The following SCN2A variants were observed in gnomAD, a reference collection of about 807,000 sequenced individuals.
SCN2A encodes the protein sodium channel protein type 2 subunit alpha.
SCN2A carries 20 observed loss-of-function variants against 188.7 expected under a neutral mutation model. The ratio of observed to expected loss-of-function variants is 0.11; its 90% CI spans 0.07 to 0.15. SCN2A has a LOEUF of 0.15. Ranked by LOEUF, SCN2A falls within the 10% of genes least tolerant of loss-of-function variation. SCN2A has a pLI of 1.00. For synonymous variants in SCN2A, 804 were observed against 833.1 expected (o/e 0.97, Z 0.60); for missense variants, 1,278 against 2,445.0 (o/e 0.52, Z 10.07).
chr2:165,332,655 C>T (rs1191677676), intron 14 of SCN2A, among the ~76,000 whole-genome samples: 1 of 151,738 alleles, frequency 6.6e-6, no homozygotes, highest in African/African-American at 2.4e-5. Flanking sequence ...TTACCTAGTT[C>T]AAATTTAGAG....
At chr2:165,368,593 A>G (rs1700855638) in intron 19 of SCN2A, among the ~76,000 whole-genome samples, 2 of 152,228 alleles carry the variant, frequency 1.3e-5, no homozygotes, top group African/African-American at 2.4e-5. Context: ...AATGATAAGA[A>G]GTAGACTCAC....
chr2:165,310,465 A>G lies in SCN2A; in HGVS notation c.840A>G (p.Gln280=), dbSNP rs377200041. 1.1e-4 allele frequency: 183 copies of G among 1,613,536 alleles called. No individual in the cohort carries two copies. The highest frequency in any genetic ancestry group is 1.6e-4 in the Middle Eastern group (1 of 6,084). The part of the protein sequence containing the change: ...FMGNLRNKCL[Q]WPPDNSSFEI... The stretch of plus-strand genomic sequence containing the variant: ...GCAACCTACGAAATAAATGTTTGCA[A>G]TGGCCTCCAGATAATTCTTCCTTTG... Residue 280 remains glutamine (Q), a synonymous_variant, in exon 7 of 27, where the codon CAA becomes CAG. Transcript: ENST00000375437.
intron 14 of SCN2A, 152 bp from the exon 15 acceptor site, chr2:165,342,144 C>T (rs985136905): frequency 2.6e-5 from 17 of 643,718 alleles, no homozygotes; most frequent in Non-Finnish European, 3.8e-5. Context: ...GATTTGAATG[C>T]AAAGCATTTG....
intron 1 of SCN2A, among the ~76,000 whole-genome samples, chr2:165,288,732 ATGTGTG>A (rs71977859): frequency 5.6e-5 from 6 of 107,580 alleles, no homozygotes; most frequent in Non-Finnish European, 1.3e-4. Context: ...ATACATATAC[ATGTGTG>A]TGTGTGTGTG....
chr2:165,389,169 A>G lies in SCN2A; in HGVS notation c.5363A>G (p.Glu1788Gly). The change falls in exon 27 of 27, where the codon GAG becomes GGG. Residue 1788 changes from glutamate (E) to glycine (G), a missense_variant. Glu to Gly is a moderately conservative substitution (Grantham distance 98, BLOSUM62 -2). Transcript: ENST00000375437. The surrounding 1 kb of genome is among the most constrained non-coding windows in gnomAD (Gnocchi z 4.2). ...AGTGTTGCTACTGAAGAAAGTGCAG[A>G]GCCTCTGAGTGAGGATGACTTTGAG... ...NFSVATEESA[E>G]PLSEDDFEMF... 1.2e-6 allele frequency: 2 copies of G among 1,614,076 alleles called. No homozygotes were observed. The highest frequency in any genetic ancestry group is 1.7e-6 in the Non-Finnish European group (2 of 1,180,002).
chr2:165,293,305 C>T (rs956671345), intron 1 of SCN2A, among the ~76,000 whole-genome samples: 1 of 152,126 alleles, frequency 6.6e-6, no homozygotes, highest in Non-Finnish European at 1.5e-5. Flanking sequence ...TCCCTATTTA[C>T]GTCATGCTTT....
chr2:165,289,284 A>G (rs1265588028), intron 1 of SCN2A, among the ~76,000 whole-genome samples: 1 of 152,044 alleles, frequency 6.6e-6, no homozygotes, highest in East Asian at 1.9e-4. Context: ...CATCATGTGT[A>G]ATAACATGAT....
chr2:165,390,031 G>A lies in SCN2A; in HGVS notation c.*207G>A. 1.3e-6 allele frequency: 1 copy of A among 758,122 alleles called. No individual in the cohort carries two copies. The highest frequency in any genetic ancestry group is 2.0e-6 in the Non-Finnish European group (1 of 499,110). The allele number at this position is 758,122 out of a possible 1,614,324, so 47.0% of individuals were successfully genotyped here. ...AACTGGAGAAATAGTATCGATGGGA[G>A]GTTTCTATTTTCACAACCAGCTGAC... On this transcript the variant is annotated 3_prime_UTR_variant, in exon 27 of 27. Coordinates refer to ENST00000375437, the MANE Select transcript of SCN2A (RefSeq NM_001040142.2).
At chr2:165,293,751 A>C (rs1252980989) in intron 1 of SCN2A, 1 of 776,276 alleles carries the variant, frequency 1.3e-6, no homozygotes, top group Non-Finnish European at 1.6e-6. Context: ...TAACAAAATT[A>C]ACACTTAAAA....
chr2:165,373,115 T>A, intron 20 of SCN2A, 110 bp from the exon 21 acceptor site: 1 of 1,229,656 alleles, frequency 8.1e-7, no homozygotes, highest in Non-Finnish European at 1.2e-6. Context: ...CTGGGTGATT[T>A]TGAAACTCAT....
Position 165,327,006 on chromosome 2 carries a change from A to T in SCN2A, c.2149+22A>T, listed in dbSNP as rs191595857. The T allele has an allele frequency of 5.3e-4, 851 of 1,613,608 alleles. 3 individuals carry two copies. In the African/African-American group the frequency reaches 0.01, roughly 20 times the overall value. On this transcript the variant is annotated intron_variant, in intron 13 of 26. Coordinates refer to ENST00000375437, the MANE Select transcript of SCN2A (RefSeq NM_001040142.2). ...GAAGGTATGTTAAAAGTCCTGCGTC[A>T]CAGTTACTTGGTGCTTTGGTAATGA... is the stretch of plus-strand genomic sequence containing the variant.
At chr2:165,274,508 T>A (rs905232121) in intron 1 of SCN2A, among the ~76,000 whole-genome samples, 1 of 152,160 alleles carries the variant, frequency 6.6e-6, no homozygotes, top group African/African-American at 2.4e-5. Flanking sequence ...GCTACCCCTA[T>A]ATTGAATAGA....
chr2:165,267,330 A>T (rs1255896256), intron 1 of SCN2A: 1 of 152,044 alleles, frequency 6.6e-6, no homozygotes, highest in Non-Finnish European at 1.5e-5. Context: ...AAAAGCCCAG[A>T]AATAAATCCA....
intron 1 of SCN2A, among the ~76,000 whole-genome samples, chr2:165,265,517 T>TATA: frequency 2.6e-5 from 1 of 38,980 alleles, no homozygotes; most frequent in South Asian, 8.1e-4. Flanking sequence ...ATATATATAT[T>TATA]GCTGTGCAGA....
At chr2:165,300,927 C>A (rs1461833865) in intron 3 of SCN2A, among the ~76,000 whole-genome samples, 1 of 151,958 alleles carries the variant, frequency 6.6e-6, no homozygotes, top group African/African-American at 2.4e-5. Context: ...AGACTGGGAC[C>A]GATTGTCATT....
At chr2:165,375,101 TG>T in intron 22 of SCN2A, 135 bp downstream of exon 22, 3 of 814,768 alleles carry the variant, frequency 3.7e-6, no homozygotes, top group Non-Finnish European at 5.9e-6. Flanking sequence ...CTGGCAAGAA[TG>T]TGAAGAAAAG....
chr2:165,380,107 C>T (rs892734525), intron 23 of SCN2A, among the ~76,000 whole-genome samples: 6 of 151,832 alleles, frequency 4.0e-5, no homozygotes, highest in Non-Finnish European at 8.8e-5. Context: ...CTGGCCGCCA[C>T]TGTTCTAAGC....
intron 12 of SCN2A, among the ~76,000 whole-genome samples, 189 bp from the exon 13 acceptor site, chr2:165,326,663 C>T (rs1160294643): frequency 6.6e-6 from 1 of 152,108 alleles, no homozygotes; most frequent in African/African-American, 2.4e-5. Context: ...CAGGGCTCCC[C>T]AAAAGCTGAA....
chr2:165,291,785 T>C (rs770722434), intron 1 of SCN2A, among the ~76,000 whole-genome samples: 3 of 151,634 alleles, frequency 2.0e-5, no homozygotes, highest in Non-Finnish European at 4.4e-5. Flanking sequence ...TGTACCACAA[T>C]GATAACCCTG....
Sources: allele counts gnomAD v4.1 joint callset (sites outside exome capture counted in the v4.1 genomes callset), GRCh38; gene constraint gnomAD v4.1.1; non-coding constraint Gnocchi (gnomAD v3.1); transcripts MANE v1.5; gene names NCBI Gene and HGNC (gene_info 2026-07-23, HGNC 2026-07-21).